SEMA3C: variants seen among roughly 807,000 people sequenced by gnomAD.
The protein encoded by SEMA3C is semaphorin 3C.
A neutral mutation model predicts 89.4 loss-of-function variants in SEMA3C; 47 were observed. The observed-to-expected ratio is 0.53, with a 90% CI of 0.42 to 0.67. SEMA3C has a LOEUF of 0.67. Among genes scored for constraint, SEMA3C ranks in the 30% least tolerant of loss-of-function variants. SEMA3C has a pLI of 0.00. For synonymous variants in SEMA3C, 310 were observed against 320.2 expected (o/e 0.97, Z 0.34); for missense variants, 839 against 929.1 (o/e 0.90, Z 1.26).
chr7:80,767,040 G>A (rs1167154702), intron 12 of SEMA3C, among the ~76,000 whole-genome samples: 3 of 152,086 alleles, frequency 2.0e-5, no homozygotes, highest in Non-Finnish European at 4.4e-5. Flanking sequence ...CTAAGTCAAA[G>A]GTCAAAACTG....
chr7:80,913,701 A>G (rs2116248817), intron 2 of SEMA3C, among the ~76,000 whole-genome samples: 1 of 152,384 alleles, frequency 6.6e-6, no homozygotes, highest in Admixed American at 6.5e-5. Context: ...AGAAGATTTA[A>G]GTAGCACAAA....
At chr7:80,874,971 C>A (rs577645044) in intron 2 of SEMA3C, among the ~76,000 whole-genome samples, 2 of 152,090 alleles carry the variant, frequency 1.3e-5, no homozygotes, top group Non-Finnish European at 2.9e-5. Flanking sequence ...GTAGTCCCAG[C>A]TACTCGGGAG....
At chr7:80,815,216 C>T (rs552335797) in intron 5 of SEMA3C, among the ~76,000 whole-genome samples, 1 of 152,098 alleles carries the variant, frequency 6.6e-6, no homozygotes, top group African/African-American at 2.4e-5. Context: ...GTCCTATGGT[C>T]ACAGACGTCA....
At chr7:80,917,114 A>C (rs1341073949) in intron 1 of SEMA3C, among the ~76,000 whole-genome samples, 1 of 152,238 alleles carries the variant, frequency 6.6e-6, no homozygotes, top group East Asian at 1.9e-4. Flanking sequence ...GGAAAGCCCA[A>C]TATTTTAACG....
intron 15 of SEMA3C, among the ~76,000 whole-genome samples, chr7:80,756,967 A>G (rs1276045019): frequency 1.3e-5 from 2 of 152,168 alleles, no homozygotes; most frequent in African/African-American, 2.4e-5. Flanking sequence ...TTTAGAATGC[A>G]TTATCCCTGA....
At chr7:80,904,099 A>G (rs942720833) in intron 2 of SEMA3C, among the ~76,000 whole-genome samples, 1 of 152,142 alleles carries the variant, frequency 6.6e-6, no homozygotes, top group African/African-American at 2.4e-5. Context: ...AGAGTGCAGT[A>G]GCAAGATCTC....
At chr7:80,792,141 T>C (rs1788958574) in intron 11 of SEMA3C, among the ~76,000 whole-genome samples, 1 of 152,346 alleles carries the variant, frequency 6.6e-6, no homozygotes, top group Admixed American at 6.5e-5. Context: ...AAAAGTATTA[T>C]ATTTAAATAC....
At chr7:80,754,518 G>A (rs1788011074) in intron 15 of SEMA3C, among the ~76,000 whole-genome samples, 1 of 151,836 alleles carries the variant, frequency 6.6e-6, no homozygotes. Flanking sequence ...AAAGGAAAAT[G>A]AAAAACTCAT....
intron 15 of SEMA3C, among the ~76,000 whole-genome samples, chr7:80,752,807 G>T (rs908659511): frequency 2.0e-5 from 3 of 152,054 alleles, no homozygotes; most frequent in African/African-American, 7.2e-5. Flanking sequence ...TTAAAAGTCA[G>T]AAGGTGACTC....
Position 80,863,969 on chromosome 7 carries a change from A to G in SEMA3C, c.104-35224T>C, listed in dbSNP as rs114724794. Among the ~76,000 whole-genome samples, 121 of 139,242 alleles carry G rather than the reference A, an allele frequency of 8.7e-4. 1 individual carries two copies. The highest frequency in any genetic ancestry group is 2.9e-3 in the African/African-American group (100 of 34,724). 91.3% of individuals were successfully genotyped at this position (139,242 alleles called of 152,430 possible). On this transcript the variant is annotated intron_variant, in intron 2 of 17. Coordinates refer to ENST00000265361, the MANE Select transcript of SEMA3C (RefSeq NM_006379.5). ...TATGTATATCACATGTATATCACATATATATCACATATATCACATGTATAT... is the reference window on the plus strand; with the variant it reads ...TATGTATATCACATGTATATCACATGTATATCACATATATCACATGTATAT...
At position 80,743,850 on chromosome 7, in the gene SEMA3C, T is replaced by A. The variant is rs140667054; in HGVS notation, c.*1044A>T. ...TGAAAAGATCATAAAATATATAGTG[T>A]TGACTTAAAAATCAGTATGATATCT... is the stretch of plus-strand genomic sequence containing the variant. On this transcript the variant is annotated 3_prime_UTR_variant, in exon 18 of 18. Coordinates refer to ENST00000265361, the MANE Select transcript of SEMA3C (RefSeq NM_006379.5). 6.6e-6 allele frequency: 1 copy of A among 152,134 alleles called. No homozygotes were observed. The highest frequency in any genetic ancestry group is 6.5e-5 in the Admixed American group (1 of 15,284). The allele number at this position is 152,134 out of a possible 1,614,324, so 9.4% of individuals were successfully genotyped here.
At position 80,859,007 on chromosome 7, in the gene SEMA3C, T is replaced by G. The variant is rs111472960; in HGVS notation, c.104-30262A>C. Among the ~76,000 whole-genome samples the G allele has an allele frequency of 6.5e-3, 988 of 152,310 alleles. 15 individuals carry two copies. Among genetic ancestry groups the G allele is most frequent in the African/African-American group, 0.023 (955 of 41,572 alleles). On this transcript the variant is annotated intron_variant, in intron 2 of 17. Coordinates refer to ENST00000265361, the MANE Select transcript of SEMA3C (RefSeq NM_006379.5). ...CAAGAGTTTTCAACTTTTCAGGCTTTTCTTTTCTTTCCTTGATCTTTTCCT... is the reference window on the plus strand; with the variant it reads ...CAAGAGTTTTCAACTTTTCAGGCTTGTCTTTTCTTTCCTTGATCTTTTCCT...
At chr7:80,842,363 C>A (rs1347767504) in intron 2 of SEMA3C, among the ~76,000 whole-genome samples, 2 of 152,104 alleles carry the variant, frequency 1.3e-5, no homozygotes, top group Admixed American at 1.3e-4. Flanking sequence ...ATCAGTGTTG[C>A]ACTTTGCTGT....
intron 4 of SEMA3C, among the ~76,000 whole-genome samples, chr7:80,824,663 G>A (rs1310148055): frequency 1.3e-5 from 2 of 152,136 alleles, no homozygotes; most frequent in African/African-American, 4.8e-5. Flanking sequence ...TCTCTCTGGA[G>A]GGATAGCATG....
chr7:80,826,106 C>T lies in SEMA3C; in HGVS notation c.327+1319G>A, dbSNP rs565849361. Among the ~76,000 whole-genome samples the T allele has an allele frequency of 1.6e-4, 24 of 152,242 alleles. No homozygotes were observed. In the South Asian group the frequency reaches 4.6e-3, roughly 29 times the overall value. On this transcript the variant is annotated intron_variant, in intron 4 of 17. Coordinates refer to ENST00000265361, the MANE Select transcript of SEMA3C (RefSeq NM_006379.5). ...CTACCCTCCAGAGTCTTCCATGGCC[C>T]TGCCTTGAGCCAAAAACTTTTGCAA...
chr7:80,892,185 G>A (rs1341322462), intron 2 of SEMA3C, among the ~76,000 whole-genome samples: 2 of 152,072 alleles, frequency 1.3e-5, no homozygotes, highest in Non-Finnish European at 2.9e-5. Flanking sequence ...TTTACAGGAG[G>A]CAATAAACTA....
At chr7:80,747,934 A>AT (rs1787837449) in intron 17 of SEMA3C, among the ~76,000 whole-genome samples, 1 of 152,094 alleles carries the variant, frequency 6.6e-6, no homozygotes. Context: ...GTCGGAGAGT[A>AT]TTTTTCCATA....
chr7:80,816,792 T>A (rs531896129), intron 5 of SEMA3C, among the ~76,000 whole-genome samples: 10 of 152,346 alleles, frequency 6.6e-5, no homozygotes, highest in African/African-American at 1.9e-4. Flanking sequence ...CTAAAGTAGT[T>A]CATATTTAGC....
chr7:80,744,970 C>A lies in SEMA3C; in HGVS notation c.2180G>T (p.Gly727Val). 1.9e-6 allele frequency: 3 copies of A among 1,614,030 alleles called. No homozygotes were observed. The highest frequency in any genetic ancestry group is 2.5e-6 in the Non-Finnish European group (3 of 1,179,976). The stretch of plus-strand genomic sequence containing the variant: ...GAGGGCCTTTAACTTGCCATAGTCC[C>A]CTCTCATTTTCTGTGATTCATCTCC... ...QQGDESQKMR[G>V]DYGKLKALIN... The change falls in exon 18 of 18, where the codon GGG becomes GTG. Residue 727 changes from glycine to valine, a missense_variant. By Grantham distance (109) the Gly-to-Val change is moderately radical. Coordinates refer to ENST00000265361, the MANE Select transcript of SEMA3C (RefSeq NM_006379.5).
Sources: allele counts gnomAD v4.1 joint callset (sites outside exome capture counted in the v4.1 genomes callset), GRCh38; gene constraint gnomAD v4.1.1; transcripts MANE v1.5; gene names NCBI Gene and HGNC (gene_info 2026-07-23, HGNC 2026-07-21).